TENT5D: variants seen among roughly 807,000 people sequenced by gnomAD.
TENT5D encodes terminal nucleotidyltransferase 5D, also known as cancer/testis antigen 112.
For synonymous variants in TENT5D, 103 were observed against 100.6 expected (o/e 1.02, Z -0.15); for missense variants, 191 against 287.0 (o/e 0.67, Z 2.42).
chrX:80,362,984 T>C lies in TENT5D; in HGVS notation c.-142+20420T>C, dbSNP rs1262794594. 7.1e-5 allele frequency among the ~76,000 whole-genome samples: 8 copies of C among 112,331 alleles called. No homozygotes were observed. In the Admixed American group the frequency reaches 7.6e-4, roughly 11 times the overall value. ...AAGATAAATTAACATGTGGAAAACA[T>C]TGTATATTGCTATACAAAAAAATCT... is the stretch of plus-strand genomic sequence containing the variant. On this transcript the variant is annotated intron_variant, in intron 3 of 4. Coordinates refer to the TENT5D transcript ENST00000538312.
intron 3 of TENT5D, among the ~76,000 whole-genome samples, chrX:80,343,236 C>T (rs1288644708): frequency 9.0e-6 from 1 of 111,481 alleles, no homozygotes. Flanking sequence ...GTGCCATCTA[C>T]AAATTTGGTA....
At chrX:80,392,725 C>T (rs1190457581) in intron 3 of TENT5D, among the ~76,000 whole-genome samples, 34 of 103,666 alleles carry the variant, frequency 3.3e-4, no homozygotes, top group South Asian at 4.7e-4. Context: ...ACCTTGTTAG[C>T]CAGGATGGTC....
At chrX:80,357,448 G>A (rs1367515946) in intron 3 of TENT5D, among the ~76,000 whole-genome samples, 19 of 108,720 alleles carry the variant, frequency 1.7e-4, no homozygotes, top group African/African-American at 6.1e-4. Context: ...TTTAATGATC[G>A]CCATTCTAAC....
chrX:80,364,945 G>A (rs73223471), intron 3 of TENT5D, among the ~76,000 whole-genome samples: 2,045 of 108,550 alleles, frequency 0.019, 21 homozygotes, highest in Middle Eastern at 0.033. Context: ...AAAATCCATA[G>A]CAAGGTCCTC....
intron 2 of TENT5D, among the ~76,000 whole-genome samples, chrX:80,440,028 T>C (rs1235812241): frequency 9.0e-6 from 1 of 111,275 alleles, no homozygotes; most frequent in Non-Finnish European, 1.9e-5. Context: ...TATTAAAGCC[T>C]TGATTTAGAC....
At chrX:80,392,783 TGGGATTACA>T (rs1478604176) in intron 3 of TENT5D, among the ~76,000 whole-genome samples, 1 of 109,646 alleles carries the variant, frequency 9.1e-6, no homozygotes, top group Non-Finnish European at 1.9e-5. Flanking sequence ...CCCAAAGTGC[TGGGATTACA>T]GGCGTGAGCC....
intron 1 of TENT5D, among the ~76,000 whole-genome samples, chrX:80,434,606 G>A (rs67626739): frequency 0.11 from 11,825 of 110,529 alleles, 689 homozygotes; most frequent in African/African-American, 0.22. Flanking sequence ...TGCAAATGTT[G>A]TTTTGGTATA....
At chrX:80,399,549 G>A (rs757556152) in intron 3 of TENT5D, among the ~76,000 whole-genome samples, 2 of 111,663 alleles carry the variant, frequency 1.8e-5, no homozygotes, top group South Asian at 7.6e-4. Context: ...GACACAATCT[G>A]AATGCCATAA....
chrX:80,443,125 A>G, exon 3 of TENT5D: 2 of 1,211,208 alleles, frequency 1.7e-6, no homozygotes, highest in Non-Finnish European at 2.2e-6. Flanking sequence ...CAAGCTAACC[A>G]AAGAATCCTA....
intron 2 of TENT5D, among the ~76,000 whole-genome samples, chrX:80,338,451 A>C (rs1929894555): frequency 8.9e-6 from 1 of 112,465 alleles, no homozygotes; most frequent in South Asian, 3.6e-4. Context: ...TTAAAATTTG[A>C]CATGAGCAAA....
intron 3 of TENT5D, among the ~76,000 whole-genome samples, chrX:80,395,271 T>C (rs1391905465): frequency 8.9e-6 from 1 of 112,344 alleles, no homozygotes; most frequent in Non-Finnish European, 1.9e-5. Context: ...TGTTCATTGA[T>C]GGAAACAGAT....
chrX:80,362,504 C>G (rs1287169818), intron 3 of TENT5D, among the ~76,000 whole-genome samples: 1 of 112,025 alleles, frequency 8.9e-6, no homozygotes, highest in East Asian at 2.8e-4. Flanking sequence ...CATCTCAGCC[C>G]AATTTTTAAA....
At chrX:80,431,056 A>G (rs1039333132) in intron 1 of TENT5D, among the ~76,000 whole-genome samples, 2 of 112,052 alleles carry the variant, frequency 1.8e-5, no homozygotes, top group East Asian at 5.6e-4. Flanking sequence ...TTAGAATTCC[A>G]GAGAATGACA....
At chrX:80,435,501 A>C (rs1178936026) in intron 1 of TENT5D, among the ~76,000 whole-genome samples, 1 of 112,523 alleles carries the variant, frequency 8.9e-6, no homozygotes, top group Non-Finnish European at 1.9e-5. Context: ...AATATGTTTC[A>C]AGATTGCTTT....
chrX:80,416,281 G>A (rs867640753), upstream of TENT5D, among the ~76,000 whole-genome samples: 1 of 31,298 alleles, frequency 3.2e-5, no homozygotes, highest in African/African-American at 1.4e-4. Context: ...TTTTTTTTTT[G>A]CATCTGAATT....
chrX:80,418,594 A>C (rs1931824431), upstream of TENT5D, among the ~76,000 whole-genome samples: 1 of 111,436 alleles, frequency 9.0e-6, no homozygotes, highest in Non-Finnish European at 1.9e-5. Context: ...TTCTTCTCCC[A>C]AAACTCCTTC....
intron 1 of TENT5D, among the ~76,000 whole-genome samples, chrX:80,427,168 C>T (rs902765154): frequency 5.4e-5 from 6 of 111,687 alleles, no homozygotes; most frequent in African/African-American, 1.6e-4. Flanking sequence ...GACTTAATTA[C>T]ATGTTATAAT....
exon 3 of TENT5D, chrX:80,443,511 G>T: frequency 2.5e-6 from 3 of 1,210,535 alleles, no homozygotes; most frequent in Non-Finnish European, 3.4e-6. Context: ...TTCTCCACCT[G>T]ATCACCATGA....
intron 3 of TENT5D, among the ~76,000 whole-genome samples, chrX:80,358,697 G>T (rs1930340687): frequency 9.0e-6 from 1 of 111,706 alleles, no homozygotes; most frequent in Non-Finnish European, 1.9e-5. Context: ...GCACATTTTT[G>T]GATACATTCT....
Sources: gnomAD v4.1 joint callset for allele counts (sites outside exome capture counted in the v4.1 genomes callset) on GRCh38, gnomAD v4.1.1 for gene constraint, MANE v1.5 for transcripts, NCBI Gene and HGNC (gene_info 2026-07-23, HGNC 2026-07-21) for gene names.